Variants in TM4SF19 observed in about 807,000 individuals in gnomAD.
TM4SF19 encodes transmembrane 4 L6 family member 19.
In TM4SF19, 17 loss-of-function variants were observed where a neutral mutation model predicts 21.8. That is an observed-to-expected ratio of 0.78 (90% CI 0.53 to 1.17). TM4SF19 has a LOEUF of 1.17. Ranked by LOEUF, TM4SF19 falls within the 50% of genes most tolerant of loss-of-function variation. The pLI, the probability that TM4SF19 is intolerant of heterozygous loss-of-function variation, is 0.00. For missense variants in TM4SF19, 216 were observed against 252.1 expected (o/e 0.86, Z 0.97); for synonymous variants, 107 against 106.7 (o/e 1.00, Z -0.02).
rs1339919444 is a variant in TM4SF19, at chr3:196,325,869, A to T, written c.279+1086T>A. ...TGTTCCGGCAAAAGCCCTCCAGGTG[A>T]TTCTCATGCACATTCAAGTGTCAGA... is the stretch of plus-strand genomic sequence containing the variant. On this transcript the variant is annotated intron_variant, in intron 3 of 4. Coordinates refer to ENST00000273695, the MANE Select transcript of TM4SF19 (RefSeq NM_138461.4). This position sits in a 1 kb window ranked among gnomAD's most constrained non-coding sequence, Gnocchi z 4.3. Among the ~76,000 whole-genome samples, 1 of 152,230 alleles carries T rather than the reference A, an allele frequency of 6.6e-6. No individual in the cohort carries two copies. Among genetic ancestry groups the T allele is most frequent in the African/African-American group, 2.4e-5 (1 of 41,464 alleles).
intron 1 of TM4SF19, among the ~76,000 whole-genome samples, chr3:196,334,733 TG>T (rs1382883168): frequency 6.6e-6 from 1 of 150,958 alleles, no homozygotes; most frequent in East Asian, 2.0e-4. Context: ...GAATTACAGG[TG>T]TGAGCCACCA....
Position 196,323,832 on chromosome 3 carries a change from G to A in TM4SF19, c.615C>T (p.Ser205=), listed in dbSNP as rs1160629329. Reference sequence around the variant, plus strand: ...GTTCTGCCTGTCACTTCTCGCAGAGGCTGCAGAAAAGGCCCAGGAGGCTGT... The same window carrying A: ...GTTCTGCCTGTCACTTCTCGCAGAGACTGCAGAAAAGGCCCAGGAGGCTGT... ...VINSLLGLFC[S]LCEK Residue 205 remains serine (S), a synonymous_variant, in exon 5 of 5, where the codon AGC becomes AGT. Coordinates refer to ENST00000273695, the MANE Select transcript of TM4SF19 (RefSeq NM_138461.4). 1 of 1,614,054 alleles carries A rather than the reference G, an allele frequency of 6.2e-7. No individual in the cohort carries two copies. The highest frequency in any genetic ancestry group is 2.2e-5 in the East Asian group (1 of 44,892).
At position 196,325,763 on chromosome 3, in the gene TM4SF19, A is replaced by G. The variant is rs1727260552; in HGVS notation, c.279+1192T>C. On this transcript the variant is annotated intron_variant, in intron 3 of 4. Coordinates refer to ENST00000273695, the MANE Select transcript of TM4SF19 (RefSeq NM_138461.4). This position sits in a 1 kb window ranked among gnomAD's most constrained non-coding sequence, Gnocchi z 4.3. Reference sequence around the variant, plus strand: ...TGGGGTCCCTGCCCAGCCGCATCACATCACCTGAGAACCTGTTAGAAATGC... The same window carrying G: ...TGGGGTCCCTGCCCAGCCGCATCACGTCACCTGAGAACCTGTTAGAAATGC... Among the ~76,000 whole-genome samples the G allele has an allele frequency of 6.6e-6, 1 of 152,142 alleles. No individual in the cohort carries two copies. Among genetic ancestry groups the G allele is most frequent in the South Asian group, 2.1e-4 (1 of 4,832 alleles).
At chr3:196,324,532 A>T (rs2280526) in intron 3 of TM4SF19, 92 bp from the exon 4 acceptor site, 2 of 1,400,298 alleles carry the variant, frequency 1.4e-6, no homozygotes, top group Non-Finnish European at 9.9e-7. Context: ...ACGGGGTCGC[A>T]GCTGGGGAGT....
intron 3 of TM4SF19, 89 bp from the exon 4 acceptor site, chr3:196,324,529 C>T (rs1432015753): frequency 1.2e-5 from 17 of 1,449,430 alleles, no homozygotes; most frequent in East Asian, 7.0e-5. Flanking sequence ...AAGACGGGGT[C>T]GCAGCTGGGG....
rs190199176 is a variant in TM4SF19 at position 196,335,076 on chromosome 3, A to T, written c.-2+3188T>A. Among the ~76,000 whole-genome samples, 177 of 18,898 alleles carry T rather than the reference A, an allele frequency of 9.4e-3. 1 individual carries two copies. The highest frequency in any genetic ancestry group is 0.039 in the East Asian group (11 of 284). 12.4% of individuals were successfully genotyped at this position (18,898 alleles called of 152,430 possible). On this transcript the variant is annotated intron_variant, in intron 1 of 4. Coordinates refer to ENST00000273695, the MANE Select transcript of TM4SF19 (RefSeq NM_138461.4). Reference sequence around the variant, plus strand: ...GGGGGTTAGGAGAAGGGAGGGGTGCACTGGGAGGGTGGGGGTAGGAGAGGG... The same window carrying T: ...GGGGGTTAGGAGAAGGGAGGGGTGCTCTGGGAGGGTGGGGGTAGGAGAGGG...
intron 1 of TM4SF19, among the ~76,000 whole-genome samples, chr3:196,333,006 T>C (rs188249884): frequency 1.4e-3 from 207 of 151,998 alleles, no homozygotes; most frequent in African/African-American, 4.7e-3. Context: ...TGCGCCACCA[T>C]ACCTGGCTAA....
intron 2 of TM4SF19, 45 bp from the exon 3 acceptor site, chr3:196,327,077 C>T (rs1355425971): frequency 6.5e-6 from 10 of 1,532,026 alleles, no homozygotes; most frequent in Middle Eastern, 1.7e-4. Context: ...TCGACTTTGC[C>T]GGCTGTTTCT....
Position 196,331,559 on chromosome 3 carries a change from C to T in TM4SF19, c.-1-3968G>A, listed in dbSNP as rs531007485. Among the ~76,000 whole-genome samples, 9 of 150,082 alleles carry T rather than the reference C, an allele frequency of 6.0e-5. No individual in the cohort carries two copies. In the South Asian group the frequency reaches 1.5e-3, roughly 25 times the overall value. ...TCCCAGCACTTTGGGAGGCCAAAGC[C>T]GGCAGATCACCTGAGGTCAGGAGTT... On this transcript the variant is annotated intron_variant, in intron 1 of 4. Transcript: ENST00000273695.
At chr3:196,333,446 G>GAT (rs1180643704) in intron 1 of TM4SF19, among the ~76,000 whole-genome samples, 1 of 152,166 alleles carries the variant, frequency 6.6e-6, no homozygotes, top group Non-Finnish European at 1.5e-5. Flanking sequence ...AAAGTTATGT[G>GAT]AATGTGGTCT....
chr3:196,333,163 C>T (rs750054392), intron 1 of TM4SF19, among the ~76,000 whole-genome samples: 34 of 152,154 alleles, frequency 2.2e-4, no homozygotes, highest in Non-Finnish European at 4.4e-4. Flanking sequence ...TTACTTTTGA[C>T]TTTGTGATGG....
rs1328448087 is a variant in TM4SF19 at position 196,326,488 on chromosome 3, A to G, written c.279+467T>C. Among the ~76,000 whole-genome samples the G allele has an allele frequency of 2.0e-5, 3 of 152,114 alleles. No individual in the cohort carries two copies. The East Asian group carries it at 5.8e-4, about 29-fold the overall frequency. On this transcript the variant is annotated intron_variant, in intron 3 of 4. Transcript: ENST00000273695. The stretch of plus-strand genomic sequence containing the variant: ...GCTGTAATTAATAAGGTAGAAATTT[A>G]TTCTGGGCCTCAGTTTATCTGTAAA...
intron 1 of TM4SF19, among the ~76,000 whole-genome samples, chr3:196,337,120 G>A (rs778969217): frequency 3.5e-5 from 5 of 144,582 alleles, no homozygotes; most frequent in African/African-American, 1.3e-4. Context: ...GGAGTGCAGC[G>A]GCATGCTCTT....
chr3:196,326,697 G>A (rs994507376), intron 3 of TM4SF19, among the ~76,000 whole-genome samples: 7 of 152,056 alleles, frequency 4.6e-5, no homozygotes, highest in African/African-American at 1.2e-4. Flanking sequence ...TGGTACAGAC[G>A]TCTGGGTCCT....
At chr3:196,337,633 T>G (rs1727820632) in intron 1 of TM4SF19, among the ~76,000 whole-genome samples, 1 of 152,072 alleles carries the variant, frequency 6.6e-6, no homozygotes. Flanking sequence ...GCGCACGACT[T>G]CAGTAAACAC....
intron 1 of TM4SF19, among the ~76,000 whole-genome samples, chr3:196,336,571 C>G (rs1445652620): frequency 6.6e-6 from 1 of 152,268 alleles, no homozygotes; most frequent in Non-Finnish European, 1.5e-5. Context: ...ACTTGCCGCA[C>G]TGCGGCTTCG....
Position 196,324,259 on chromosome 3 carries a change from C to G in TM4SF19, c.449+12G>C. On this transcript the variant is annotated intron_variant, in intron 4 of 4. Transcript: ENST00000273695. ...GTCTGAAAAGACCAAGCCCAAGCCT[C>G]CACCCATTTACCTACTATGCAGGTC... 1 of 1,613,406 alleles carries G rather than the reference C, an allele frequency of 6.2e-7. No individual in the cohort carries two copies. Among genetic ancestry groups the G allele is most frequent in the South Asian group, 1.1e-5 (1 of 91,022 alleles).
intron 2 of TM4SF19, 152 bp downstream of exon 2, chr3:196,327,238 G>C: frequency 1.2e-6 from 1 of 842,582 alleles, no homozygotes; most frequent in South Asian, 1.7e-5. Context: ...CCCAAGCTAG[G>C]CTTCCTGTCT....
Position 196,323,771 on chromosome 3 carries a change from A to G in TM4SF19, c.*46T>C, listed in dbSNP as rs922507169. ...ACTCCTTGTAGAAAGGATTCAAGAC[A>G]GCCGATGATGAAAACACCCATGCTT... On this transcript the variant is annotated 3_prime_UTR_variant, in exon 5 of 5. Coordinates refer to ENST00000273695, the MANE Select transcript of TM4SF19 (RefSeq NM_138461.4). The G allele has an allele frequency of 6.2e-7, 1 of 1,613,974 alleles. No homozygotes were observed. The highest frequency in any genetic ancestry group is 1.3e-5 in the African/African-American group (1 of 74,908).
Sources: allele counts gnomAD v4.1 joint callset (sites outside exome capture counted in the v4.1 genomes callset), GRCh38; gene constraint gnomAD v4.1.1; non-coding constraint Gnocchi (gnomAD v3.1); transcripts MANE v1.5; gene names NCBI Gene and HGNC (gene_info 2026-07-23, HGNC 2026-07-21).